The following BUB1 variants were observed in gnomAD, a reference collection of about 807,000 sequenced individuals.
BUB1 encodes BUB1 mitotic checkpoint serine/threonine kinase.
A neutral mutation model predicts 135.2 loss-of-function variants in BUB1; 84 were observed. The observed-to-expected ratio is 0.62, with a 90% CI of 0.52 to 0.74. BUB1 has a LOEUF of 0.74. BUB1 is among the 30% of genes least tolerant of loss of function. The pLI is 0.00. For synonymous variants in BUB1, 403 were observed against 434.4 expected (o/e 0.93, Z 0.90); for missense variants, 1,162 against 1,288.3 (o/e 0.90, Z 1.50).
At position 110,667,882 on chromosome 2, in the gene BUB1, T is replaced by G. The variant is rs1690305995; in HGVS notation, c.568-33A>C. 2.5e-6 allele frequency: 4 copies of G among 1,599,446 alleles called. No individual in the cohort carries two copies. In the African/African-American group the frequency reaches 5.4e-5, roughly 22 times the overall value. ...ACAGAAAACAAACATGAGCATTCAC[T>G]TATCTGAGAAGAAAGCTTCACCCAA... On this transcript the variant is annotated intron_variant, in intron 6 of 24. Transcript: ENST00000302759.
At chr2:110,649,510 T>C (rs1574319292) in intron 18 of BUB1, 133 bp from the exon 19 acceptor site, 1 of 854,278 alleles carries the variant, frequency 1.2e-6, no homozygotes, top group Non-Finnish European at 1.7e-6. Context: ...AGAGTATTAA[T>C]TCAAAATAAA....
intron 17 of BUB1, among the ~76,000 whole-genome samples, chr2:110,652,128 G>A (rs1314273755): frequency 6.6e-6 from 1 of 151,990 alleles, no homozygotes; most frequent in Non-Finnish European, 1.5e-5. Context: ...TTTCATATTT[G>A]TGAATTCACC....
At chr2:110,677,548 T>G (rs548433974) in intron 1 of BUB1, among the ~76,000 whole-genome samples, 8 of 152,310 alleles carry the variant, frequency 5.3e-5, no homozygotes, top group African/African-American at 1.9e-4. Context: ...AGCAGTGAGA[T>G]TATGGATAGG....
intron 17 of BUB1, among the ~76,000 whole-genome samples, chr2:110,652,158 G>C (rs1021334780): frequency 1.3e-5 from 2 of 151,876 alleles, no homozygotes; most frequent in African/African-American, 4.8e-5. Flanking sequence ...AAATTTATTT[G>C]TAAGCTTCAA....
At chr2:110,640,973 T>C in intron 23 of BUB1, 61 bp downstream of exon 23, 1 of 1,480,036 alleles carries the variant, frequency 6.8e-7, no homozygotes. Flanking sequence ...AAATTCATTT[T>C]GAAAATCTGA....
chr2:110,650,337 T>A (rs1412040993), intron 18 of BUB1, among the ~76,000 whole-genome samples: 1 of 152,192 alleles, frequency 6.6e-6, no homozygotes, highest in East Asian at 1.9e-4. Context: ...ACAGTAGTTA[T>A]TTTGATACCT....
At position 110,669,529 on chromosome 2, in the gene BUB1, T is replaced by C; in HGVS notation, c.491A>G (p.Asn164Ser). ...TATCATTTGATTTAAAACCTGAACA[T>C]TATGCAGAGGTTCTGAGGTTCTAGC... ...AQARTSEPLH[N>S]VQVLNQMITS... Residue 164 changes from asparagine to serine, a missense_variant, in exon 6 of 25, where the codon AAT becomes AGT. Transcript: ENST00000302759. 6.2e-7 allele frequency: 1 copy of C among 1,608,356 alleles called. No individual in the cohort carries two copies. The highest frequency in any genetic ancestry group is 8.5e-7 in the Non-Finnish European group (1 of 1,175,040).
chr2:110,646,389 G>A (rs903192358), intron 19 of BUB1, among the ~76,000 whole-genome samples: 6 of 151,824 alleles, frequency 4.0e-5, no homozygotes, highest in Non-Finnish European at 5.9e-5. Context: ...AGGGAGGGAC[G>A]GGAAGGGGCA....
In BUB1 at chr2:110,647,229, T is replaced by A. The variant is rs2104522581; in HGVS notation, c.2347+2005A>T. Among the ~76,000 whole-genome samples, 2 of 152,116 alleles carry A rather than the reference T, an allele frequency of 1.3e-5. 1 individual carries two copies. The highest frequency in any genetic ancestry group is 6.8e-3 in the Middle Eastern group (2 of 294). On this transcript the variant is annotated intron_variant, in intron 19 of 24. Coordinates refer to ENST00000302759, the MANE Select transcript of BUB1 (RefSeq NM_004336.5). The stretch of plus-strand genomic sequence containing the variant: ...GCATTTCCCTGACACCAAGACCAGA[T>A]AAAGATATTACAAGAAAGGAAAACT...
intron 4 of BUB1, among the ~76,000 whole-genome samples, chr2:110,671,004 T>A (rs1354134129): frequency 1.3e-5 from 2 of 152,246 alleles, no homozygotes; most frequent in East Asian, 3.8e-4. Context: ...TTGTTCATAC[T>A]CTGTGAGAAG....
chr2:110,652,518 T>C (rs1384351244), intron 17 of BUB1, among the ~76,000 whole-genome samples: 2 of 152,182 alleles, frequency 1.3e-5, no homozygotes, highest in African/African-American at 2.4e-5. Flanking sequence ...TGTTAATGAA[T>C]TGACAATATA....
At chr2:110,646,773 G>A (rs1051754591) in intron 19 of BUB1, among the ~76,000 whole-genome samples, 1 of 152,000 alleles carries the variant, frequency 6.6e-6, no homozygotes, top group South Asian at 2.1e-4. Context: ...AAAATTTGTA[G>A]CACTAAATAC....
intron 16 of BUB1, 148 bp from the exon 17 acceptor site, chr2:110,653,671 A>C: frequency 1.4e-6 from 1 of 700,054 alleles, no homozygotes; most frequent in East Asian, 2.8e-5. Context: ...TAAAATGTAT[A>C]ATAAGATTAA....
Position 110,641,296 on chromosome 2 carries a change from A to T in BUB1, c.2783+11T>A, listed in dbSNP as rs1332439446. On this transcript the variant is annotated intron_variant, in intron 22 of 24. Transcript: ENST00000302759. ...GGAAGAGAAGAACCCTGTTAAAAGCATAACACTTGCCCGTTTCCAAGTATG... is the reference window on the plus strand; with the variant it reads ...GGAAGAGAAGAACCCTGTTAAAAGCTTAACACTTGCCCGTTTCCAAGTATG... The T allele has an allele frequency of 6.2e-7, 1 of 1,602,954 alleles. No individual in the cohort carries two copies. The highest frequency in any genetic ancestry group is 1.1e-5 in the South Asian group (1 of 89,130).
In BUB1 at chr2:110,674,184, C is replaced by G. The variant is rs754507524; in HGVS notation, c.127G>C (p.Glu43Gln). ...TGTTCTAGTAAAGTTATCAAGTATTCTTTATTCTCAGGAAAATTCTCTTCT... is the reference window on the plus strand; with the variant it reads ...TGTTCTAGTAAAGTTATCAAGTATTGTTTATTCTCAGGAAAATTCTCTTCT... The part of the protein sequence containing the change: ...WVEENFPENK[E>Q]YLITLLEHLM... The change falls in exon 3 of 25, where the codon GAA becomes CAA. Residue 43 changes from glutamate (E) to glutamine (Q), a missense_variant. By Grantham distance (29) the Glu-to-Gln change is conservative. Transcript: ENST00000302759. 1.3e-6 allele frequency: 2 copies of G among 1,598,622 alleles called. No homozygotes were observed. The highest frequency in any genetic ancestry group is 1.7e-6 in the Non-Finnish European group (2 of 1,167,176).
chr2:110,677,558 G>T, intron 1 of BUB1, among the ~76,000 whole-genome samples: 1 of 152,078 alleles, frequency 6.6e-6, no homozygotes, highest in Admixed American at 6.5e-5. Flanking sequence ...TTATGGATAG[G>T]AGAGCAACTT....
Position 110,650,580 on chromosome 2 carries a change from C to T in BUB1, c.2169G>A (p.Met723Ile), listed in dbSNP as rs1174239278. ...CAACAGTCCCAAGTGAACTCATCTG[C>T]ATCCATTCTGCTTGGAGCCCAGCAA... ...DAIAGLQAEW[M>I]QMSSLGTVDA... is the part of the protein sequence containing the mutation. Residue 723 changes from methionine (M) to isoleucine (I), a missense_variant, in exon 18 of 25, where the codon ATG becomes ATA. By Grantham distance (10) the Met-to-Ile change is conservative. Transcript: ENST00000302759. 6.2e-7 allele frequency: 1 copy of T among 1,613,856 alleles called. No individual in the cohort carries two copies. Among genetic ancestry groups the T allele is most frequent in the East Asian group, 2.2e-5 (1 of 44,868 alleles).
intron 9 of BUB1, among the ~76,000 whole-genome samples, chr2:110,662,859 A>G (rs1347380138): frequency 6.6e-6 from 1 of 152,190 alleles, no homozygotes; most frequent in Non-Finnish European, 1.5e-5. Context: ...TATTTTACAG[A>G]CTAATGGAAA....
At chr2:110,666,104 C>G in intron 9 of BUB1, 159 bp downstream of exon 9, 1 of 667,106 alleles carries the variant, frequency 1.5e-6, no homozygotes. Flanking sequence ...CACTCTCACT[C>G]TACATTGTGA....
Sources: gnomAD v4.1 joint callset for allele counts (sites outside exome capture counted in the v4.1 genomes callset) on GRCh38, gnomAD v4.1.1 for gene constraint, MANE v1.5 for transcripts, NCBI Gene and HGNC (gene_info 2026-07-23, HGNC 2026-07-21) for gene names.